The following SNTB1 variants were observed in gnomAD, a reference collection of about 807,000 sequenced individuals.
SNTB1 encodes the protein beta-1-syntrophin.
A neutral mutation model predicts 48.9 loss-of-function variants in SNTB1; 36 were observed. The observed-to-expected ratio is 0.74, with a 90% CI of 0.56 to 0.97. The LOEUF is 0.97. Ranked by LOEUF, SNTB1 falls within the 50% of genes least tolerant of loss-of-function variation. The pLI is 0.00. For synonymous variants in SNTB1, 299 were observed against 294.6 expected (o/e 1.01, Z -0.15); for missense variants, 786 against 703.4 (o/e 1.12, Z -1.33).
intron 4 of SNTB1, among the ~76,000 whole-genome samples, chr8:120,563,204 C>T (rs1687133587): frequency 6.6e-6 from 1 of 152,082 alleles, no homozygotes; most frequent in Non-Finnish European, 1.5e-5. Flanking sequence ...CCTTAATCCT[C>T]ACTCTCTGTA....
chr8:120,615,677 C>A (rs183094913), intron 3 of SNTB1, among the ~76,000 whole-genome samples: 1 of 152,284 alleles, frequency 6.6e-6, no homozygotes, highest in Non-Finnish European at 1.5e-5. Context: ...AAGGTCAGAG[C>A]TGAAAGTTTT....
At chr8:120,604,229 C>T (rs1036541192) in intron 3 of SNTB1, among the ~76,000 whole-genome samples, 3 of 152,140 alleles carry the variant, frequency 2.0e-5, no homozygotes, top group Non-Finnish European at 4.4e-5. Context: ...TTTGATATCC[C>T]CTTGGCGTCT....
rs559484452 is a variant in SNTB1 at position 120,662,803 on chromosome 8, C to T, written c.789-30152G>A. Among the ~76,000 whole-genome samples, 70 of 152,216 alleles carry T rather than the reference C, an allele frequency of 4.6e-4. 1 individual carries two copies. Among genetic ancestry groups the T allele is most frequent in the Middle Eastern group, 3.4e-3 (1 of 294 alleles). ...AAGCAAGACTTAAATGTACCTTCTA[C>T]AAAAACATAAACTGAAAGAGGTTAG... On this transcript the variant is annotated intron_variant, in intron 2 of 6. Coordinates refer to ENST00000517992, the MANE Select transcript of SNTB1 (RefSeq NM_021021.4).
intron 2 of SNTB1, among the ~76,000 whole-genome samples, chr8:120,660,164 C>T (rs1817566804): frequency 1.3e-5 from 2 of 152,092 alleles, no homozygotes; most frequent in African/African-American, 4.8e-5. Flanking sequence ...CTATATTAGC[C>T]CTTAACAAGA....
At chr8:120,684,938 G>A (rs1237357455) in intron 2 of SNTB1, among the ~76,000 whole-genome samples, 1 of 152,172 alleles carries the variant, frequency 6.6e-6, no homozygotes, top group Non-Finnish European at 1.5e-5. Context: ...TTACAGGTGT[G>A]AGCCACCATG....
chr8:120,541,911 G>A lies in SNTB1; in HGVS notation c.1423C>T (p.Pro475Ser), dbSNP rs1360286153. Residue 475 changes from proline to serine, a missense_variant, in exon 6 of 7, where the codon CCC (proline) becomes TCC (serine). Transcript: ENST00000517992. The stretch of plus-strand genomic sequence containing the variant: ...TAAGGAGACTGTATGATGGTCTTGG[G>A]AAAGGCACCCTCCTGTGGTTCAGTG... ...ITTEPQEGAF[P>S]KTIIQSPYEK... is the part of the protein sequence containing the mutation. 1 of 1,613,776 alleles carries A rather than the reference G, an allele frequency of 6.2e-7. No homozygotes were observed. Among genetic ancestry groups the A allele is most frequent in the African/African-American group, 1.3e-5 (1 of 74,900 alleles).
intron 3 of SNTB1, among the ~76,000 whole-genome samples, chr8:120,601,428 C>G (rs1361147660): frequency 6.6e-6 from 1 of 152,162 alleles, no homozygotes; most frequent in Non-Finnish European, 1.5e-5. Flanking sequence ...CCAAAAAATA[C>G]CCCATGGACA....
chr8:120,790,257 A>G (rs1820005058), intron 1 of SNTB1, among the ~76,000 whole-genome samples: 1 of 152,074 alleles, frequency 6.6e-6, no homozygotes, highest in Non-Finnish European at 1.5e-5. Flanking sequence ...AAATCCATAT[A>G]TGACAAACCC....
intron 1 of SNTB1, among the ~76,000 whole-genome samples, chr8:120,808,830 C>T (rs1820381402): frequency 6.6e-6 from 1 of 151,978 alleles, no homozygotes; most frequent in African/African-American, 2.4e-5. Context: ...TGCATACAGG[C>T]GGTGGTTGGA....
At chr8:120,696,333 C>A (rs533178868) in intron 1 of SNTB1, among the ~76,000 whole-genome samples, 3 of 152,248 alleles carry the variant, frequency 2.0e-5, no homozygotes, top group African/African-American at 7.2e-5. Context: ...GAGATAAGAA[C>A]AATAATCCTT....
chr8:120,795,997 G>A (rs1295772578), intron 1 of SNTB1, among the ~76,000 whole-genome samples: 1 of 151,930 alleles, frequency 6.6e-6, no homozygotes, highest in Non-Finnish European at 1.5e-5. Context: ...CTGTGCCGCC[G>A]CCTAAATCTC....
In SNTB1 at chr8:120,811,454, GC is replaced by G; in HGVS notation, c.389del (p.Gly130AlafsTer34). ...LGGLGISIKG[G>X]KENKMPILIS... ...TGAGGATGGGCATCTTGTTCTCCTT[GC>G]CCCCCTTGATGCTGATCCCCAGCCC... On this transcript the variant is annotated frameshift_variant, in exon 1 of 7. Coordinates refer to ENST00000517992, the MANE Select transcript of SNTB1 (RefSeq NM_021021.4). LOFTEE classifies it high-confidence loss of function. 1.9e-6 allele frequency: 3 copies of G among 1,613,974 alleles called. No homozygotes were observed. The highest frequency in any genetic ancestry group is 2.5e-6 in the Non-Finnish European group (3 of 1,179,906).
At position 120,541,893 on chromosome 8, in the gene SNTB1, A is replaced by G. The variant is rs779679452; in HGVS notation, c.1441T>C (p.Ser481Pro). ...GACATTTTGAGCTTTTCATAAGGAG[A>G]CTGTATGATGGTCTTGGGAAAGGCA... ...EGAFPKTIIQ[S>P]PYEKLKMSSD... Residue 481 changes from serine (S) to proline (P), a missense_variant, in exon 6 of 7, where the codon TCT becomes CCT. Ser to Pro is a moderately conservative substitution (Grantham distance 74). Transcript: ENST00000517992. 1 of 1,613,896 alleles carries G rather than the reference A, an allele frequency of 6.2e-7. No individual in the cohort carries two copies.
intron 2 of SNTB1, among the ~76,000 whole-genome samples, chr8:120,692,697 G>C (rs1234678156): frequency 6.6e-6 from 1 of 152,062 alleles, no homozygotes; most frequent in Non-Finnish European, 1.5e-5. Context: ...TTGCTCTCTT[G>C]AGCATAAAGA....
At chr8:120,797,323 A>G (rs1820134647) in intron 1 of SNTB1, among the ~76,000 whole-genome samples, 1 of 152,034 alleles carries the variant, frequency 6.6e-6, no homozygotes, top group African/African-American at 2.4e-5. Flanking sequence ...AGTGTTTATA[A>G]TATTTGAAAA....
intron 3 of SNTB1, among the ~76,000 whole-genome samples, chr8:120,606,348 TATAA>T: frequency 7.0e-6 from 1 of 142,460 alleles, no homozygotes; most frequent in African/African-American, 2.5e-5. Flanking sequence ...TGATATACTT[TATAA>T]ATATAGTTGT....
At chr8:120,650,752 T>C (rs1011483534) in intron 2 of SNTB1, among the ~76,000 whole-genome samples, 1 of 152,226 alleles carries the variant, frequency 6.6e-6, no homozygotes, top group African/African-American at 2.4e-5. Context: ...GTGTAATGCA[T>C]GTTCCAGAAG....
intron 6 of SNTB1, among the ~76,000 whole-genome samples, chr8:120,539,173 G>A (rs149922997): frequency 4.4e-4 from 67 of 152,096 alleles, no homozygotes; most frequent in African/African-American, 1.5e-3. Flanking sequence ...TCTTTTTTCC[G>A]AAATAGTTCC....
intron 2 of SNTB1, among the ~76,000 whole-genome samples, chr8:120,682,725 CGATA>C (rs950784949): frequency 1.6e-4 from 25 of 151,660 alleles, no homozygotes; most frequent in Non-Finnish European, 2.5e-4. Flanking sequence ...GGTAGATAGA[CGATA>C]GATAGATAGA....
Sources: allele counts gnomAD v4.1 joint callset (sites outside exome capture counted in the v4.1 genomes callset), GRCh38; gene constraint gnomAD v4.1.1; transcripts MANE v1.5; gene names NCBI Gene and HGNC (gene_info 2026-07-23, HGNC 2026-07-21).